KCNT2: variants seen among roughly 807,000 people sequenced by gnomAD.
The protein encoded by KCNT2 is potassium channel subfamily T member 2.
In KCNT2, 67 loss-of-function variants were observed where a neutral mutation model predicts 153.8. That is an observed-to-expected ratio of 0.44 (90% CI 0.36 to 0.53). KCNT2 has a LOEUF of 0.53. KCNT2 is among the 20% of genes least tolerant of loss of function. KCNT2 has a pLI of 0.00. For synonymous variants in KCNT2, 500 were observed against 458.8 expected, an observed-to-expected ratio of 1.09 and a Z score of -1.15; for missense variants, 975 against 1,354.8, an observed-to-expected ratio of 0.72 and a Z score of 4.40.
At chr1:196,464,044 T>A (rs1257217836) in intron 8 of KCNT2, among the ~76,000 whole-genome samples, 1 of 151,896 alleles carries the variant, frequency 6.6e-6, no homozygotes, top group East Asian at 1.9e-4. Flanking sequence ...ATTGAAAAAT[T>A]ATCGTATGCA....
intron 3 of KCNT2, among the ~76,000 whole-genome samples, chr1:196,487,762 AC>A (rs1679551233): frequency 2.0e-5 from 3 of 151,970 alleles, no homozygotes; most frequent in Non-Finnish European, 4.4e-5. Context: ...ACTTAAACAC[AC>A]CATTTGCTAT....
At chr1:196,538,258 T>C (rs893980008) in intron 1 of KCNT2, among the ~76,000 whole-genome samples, 2 of 152,170 alleles carry the variant, frequency 1.3e-5, no homozygotes, top group Admixed American at 6.5e-5. Flanking sequence ...CGGAGCAATA[T>C]AGCTGCCACC....
intron 1 of KCNT2, 72 bp downstream of exon 1, chr1:196,608,143 C>T: frequency 7.3e-7 from 1 of 1,366,918 alleles, no homozygotes; most frequent in South Asian, 1.2e-5. Context: ...CCTCCTTTCC[C>T]CACTTCGGCC....
chr1:196,323,258 G>A (rs1226341965), intron 19 of KCNT2, among the ~76,000 whole-genome samples: 1 of 151,928 alleles, frequency 6.6e-6, no homozygotes, highest in Non-Finnish European at 1.5e-5. Context: ...AAAGAAGATT[G>A]ATTTAATGAA....
intron 12 of KCNT2, among the ~76,000 whole-genome samples, chr1:196,401,938 C>G (rs1177112792): frequency 3.3e-5 from 5 of 151,242 alleles, no homozygotes; most frequent in African/African-American, 7.3e-5. Flanking sequence ...CTTGACAGCA[C>G]CCAAAGAAAG....
intron 1 of KCNT2, among the ~76,000 whole-genome samples, chr1:196,520,505 G>A (rs182781774): frequency 6.6e-6 from 1 of 152,002 alleles, no homozygotes; most frequent in Non-Finnish European, 1.5e-5. Flanking sequence ...AGGAAGACAG[G>A]AAGTCAAACT....
intron 13 of KCNT2, among the ~76,000 whole-genome samples, chr1:196,377,059 T>C (rs906297255): frequency 6.6e-6 from 1 of 151,868 alleles, no homozygotes; most frequent in African/African-American, 2.4e-5. Context: ...TAGGAAGTGG[T>C]GGTCAGAGAA....
At position 196,537,357 on chromosome 1, in the gene KCNT2, T is replaced by C. The variant is rs1451765813; in HGVS notation, c.96-45016A>G. ...TTTCTGGAAAAGAATGCATTAGTCA[T>C]GTCCACTACATAGTGGTACTGTCCC... On this transcript the variant is annotated intron_variant, in intron 1 of 27. Transcript: ENST00000294725. Among the ~76,000 whole-genome samples, 5 of 152,322 alleles carry C rather than the reference T, an allele frequency of 3.3e-5. No individual in the cohort carries two copies. In the East Asian group the frequency reaches 7.7e-4, roughly 24 times the overall value.
intron 12 of KCNT2, among the ~76,000 whole-genome samples, chr1:196,406,203 G>A (rs1019355514): frequency 2.0e-5 from 3 of 151,292 alleles, no homozygotes; most frequent in South Asian, 4.2e-4. Context: ...AAAACTGGAG[G>A]TAATTCTGAT....
At chr1:196,418,019 T>A in intron 12 of KCNT2, among the ~76,000 whole-genome samples, 1 of 152,198 alleles carries the variant, frequency 6.6e-6, no homozygotes, top group East Asian at 1.9e-4. Flanking sequence ...AGTGTTCACA[T>A]TATTATGGCT....
chr1:196,479,412 A>G (rs960125877), intron 4 of KCNT2, among the ~76,000 whole-genome samples, 174 bp from the exon 5 acceptor site: 11 of 152,318 alleles, frequency 7.2e-5, no homozygotes, highest in South Asian at 2.1e-4. Context: ...GCTGCTGGCC[A>G]GAGTTTGCTG....
rs752836076 is a variant in KCNT2, at chr1:196,507,774, A to G, written c.96-15433T>C. On this transcript the variant is annotated intron_variant, in intron 1 of 27. Transcript: ENST00000294725. ...AGTAAGAATTTCTTACTAACGGTCA[A>G]TATAATTTAAGTTGATGTAACTGCT... Among the ~76,000 whole-genome samples, 87 of 152,148 alleles carry G rather than the reference A, an allele frequency of 5.7e-4. 1 individual carries two copies. The highest frequency in any genetic ancestry group is 1.8e-4 in the Non-Finnish European group (12 of 68,014).
chr1:196,229,305 G>A (rs1163133535), intron 27 of KCNT2, among the ~76,000 whole-genome samples: 1 of 151,918 alleles, frequency 6.6e-6, no homozygotes, highest in Non-Finnish European at 1.5e-5. Flanking sequence ...ATAGTGATCT[G>A]TGATCAGTAA....
chr1:196,520,516 A>C (rs2148821063), intron 1 of KCNT2, among the ~76,000 whole-genome samples: 2 of 152,114 alleles, frequency 1.3e-5, no homozygotes, highest in South Asian at 4.2e-4. Context: ...AAGTCAAACT[A>C]TCCCTGTTTG....
intron 16 of KCNT2, among the ~76,000 whole-genome samples, chr1:196,337,966 T>C (rs990680724): frequency 6.6e-6 from 1 of 152,126 alleles, no homozygotes; most frequent in Non-Finnish European, 1.5e-5. Context: ...CACAAACACT[T>C]ACACGAGAGT....
intron 1 of KCNT2, among the ~76,000 whole-genome samples, chr1:196,563,733 T>C (rs748791910): frequency 1.3e-5 from 2 of 151,988 alleles, no homozygotes; most frequent in Non-Finnish European, 2.9e-5. Context: ...AAAACTGTGA[T>C]ACATCACATC....
In KCNT2 at chr1:196,279,571, C is replaced by T. The variant is rs1195623592; in HGVS notation, c.2910+1289G>A. Reference sequence around the variant, plus strand: ...CCGAGTAGCTGGGACTACAGGTGTGCACCACCACACCTGACTAATTTTTGT... The same window carrying T: ...CCGAGTAGCTGGGACTACAGGTGTGTACCACCACACCTGACTAATTTTTGT... On this transcript the variant is annotated intron_variant, in intron 25 of 27. Transcript: ENST00000294725. Among the ~76,000 whole-genome samples, 3 of 151,776 alleles carry T rather than the reference C, an allele frequency of 2.0e-5. No individual in the cohort carries two copies. In the East Asian group the frequency reaches 5.8e-4, roughly 30 times the overall value.
intron 12 of KCNT2, among the ~76,000 whole-genome samples, chr1:196,403,738 CA>C (rs1269487077): frequency 6.6e-6 from 1 of 151,296 alleles, no homozygotes; most frequent in Non-Finnish European, 1.5e-5. Context: ...ACAATAACAA[CA>C]AAAAGTCTAG....
intron 8 of KCNT2, among the ~76,000 whole-genome samples, chr1:196,450,264 CT>C (rs1297587190): frequency 4.3e-4 from 65 of 151,742 alleles, no homozygotes; most frequent in African/African-American, 1.5e-3. Context: ...TTTTGTTTTA[CT>C]TTTAATCAGA....
Sources: allele counts gnomAD v4.1 joint callset (sites outside exome capture counted in the v4.1 genomes callset), GRCh38; gene constraint gnomAD v4.1.1; transcripts MANE v1.5; gene names NCBI Gene and HGNC (gene_info 2026-07-23, HGNC 2026-07-21).